PTPRD: variants seen among roughly 807,000 people sequenced by gnomAD.
PTPRD encodes receptor-type tyrosine-protein phosphatase delta.
PTPRD carries 34 observed loss-of-function variants against 214.5 expected under a neutral mutation model. The ratio of observed to expected loss-of-function variants is 0.16; its 90% CI spans 0.12 to 0.21. The LOEUF (loss-of-function observed/expected upper bound fraction) is 0.21, where lower values mean the gene tolerates loss of function less well. Ranked by LOEUF, PTPRD falls within the 10% of genes least tolerant of loss-of-function variation. The pLI is 1.00. For synonymous variants in PTPRD, 1,128 were observed against 845.7 expected (o/e 1.33, Z -5.79); for missense variants, 2,545 against 2,398.7 (o/e 1.06, Z -1.27).
intron 9 of PTPRD, among the ~76,000 whole-genome samples, chr9:9,323,699 A>G (rs1967967746): frequency 6.6e-6 from 1 of 151,928 alleles, no homozygotes; most frequent in Admixed American, 6.6e-5. Context: ...TCTCTTGTTT[A>G]TTTTTATTAT....
rs147314291 is a variant in PTPRD at position 10,334,563 on chromosome 9, A to C, written c.-545+6400T>G. On this transcript the variant is annotated intron_variant, in intron 3 of 45. Coordinates refer to ENST00000381196, the MANE Select transcript of PTPRD (RefSeq NM_002839.4). ...TCAAACAATATACTGGAAATCATAG[A>C]TAATATTACGAGAAAAGGAAATCAA... 9.9e-5 allele frequency among the ~76,000 whole-genome samples: 15 copies of C among 151,760 alleles called. No individual in the cohort carries two copies. In the East Asian group the frequency reaches 2.9e-3, roughly 30 times the overall value.
At position 10,231,074 on chromosome 9, in the gene PTPRD, C is replaced by T. The variant is rs546421491; in HGVS notation, c.-545+109889G>A. Among the ~76,000 whole-genome samples, 336 of 151,980 alleles carry T rather than the reference C, an allele frequency of 2.2e-3. 2 individuals are homozygous for T. Among genetic ancestry groups the T allele is most frequent in the African/African-American group, 7.9e-3 (328 of 41,498 alleles). ...TCAAAAGGAAGACACAGAAGCTTGC[C>T]TGAAATGGAAAAGCTTCAAAAGCCA... On this transcript the variant is annotated intron_variant, in intron 3 of 45. Coordinates refer to ENST00000381196, the MANE Select transcript of PTPRD (RefSeq NM_002839.4).
chr9:9,627,634 A>G (rs900867948), intron 7 of PTPRD, among the ~76,000 whole-genome samples: 2 of 152,226 alleles, frequency 1.3e-5, no homozygotes, highest in Non-Finnish European at 2.9e-5. Context: ...ATTGTTGAAT[A>G]GCTGAATTCT....
chr9:9,876,716 C>G (rs1600597072), intron 5 of PTPRD, among the ~76,000 whole-genome samples: 1 of 152,224 alleles, frequency 6.6e-6, no homozygotes, highest in Non-Finnish European at 1.5e-5. Context: ...TTGCTTTATA[C>G]AAATTCTATG....
intron 5 of PTPRD, among the ~76,000 whole-genome samples, chr9:9,841,848 A>G (rs1461244464): frequency 6.6e-6 from 1 of 152,146 alleles, no homozygotes; most frequent in Non-Finnish European, 1.5e-5. Flanking sequence ...AAATATTTAC[A>G]CTGCATTTGT....
At chr9:8,500,665 G>C in intron 24 of PTPRD, 89 bp downstream of exon 24, 1 of 1,241,564 alleles carries the variant, frequency 8.1e-7, no homozygotes, top group East Asian at 3.0e-5. Context: ...AAGATGAGCA[G>C]AGAAAAAAGA....
chr9:9,975,055 TCACAATCA>T (rs1467309237), intron 4 of PTPRD, among the ~76,000 whole-genome samples: 1 of 104,868 alleles, frequency 9.5e-6, no homozygotes, highest in African/African-American at 5.4e-5. Context: ...GAAGGTCGTA[TCACAATCA>T]ACTGAGGATT....
At chr9:9,810,769 T>G (rs981247842) in intron 5 of PTPRD, among the ~76,000 whole-genome samples, 1 of 151,916 alleles carries the variant, frequency 6.6e-6, no homozygotes, top group Non-Finnish European at 1.5e-5. Context: ...TAATTTTGAC[T>G]CTCAGGTCTT....
intron 2 of PTPRD, among the ~76,000 whole-genome samples, chr9:10,581,016 C>T (rs925987353): frequency 6.6e-6 from 1 of 152,130 alleles, no homozygotes; most frequent in Non-Finnish European, 1.5e-5. Flanking sequence ...AACCTGGGAT[C>T]CTGGCTGCAT....
rs940371558 is a variant in PTPRD at position 9,117,748 on chromosome 9, A to T, written c.-143+65556T>A. On this transcript the variant is annotated intron_variant, in intron 10 of 45. Transcript: ENST00000381196. ...ATGTTAATATGCCAAGAAAAAAAAT[A>T]TTTCAGAAGATAAAACCAACTGTAA... Among the ~76,000 whole-genome samples the T allele has an allele frequency of 4.6e-4, 70 of 152,106 alleles. 1 individual carries two copies. Among genetic ancestry groups the T allele is most frequent in the Admixed American group, 3.1e-3 (47 of 15,266 alleles).
At chr9:9,650,121 T>C (rs1198914499) in intron 7 of PTPRD, among the ~76,000 whole-genome samples, 1 of 152,140 alleles carries the variant, frequency 6.6e-6, no homozygotes, top group Non-Finnish European at 1.5e-5. Context: ...CATGCTGTTC[T>C]CACAACAATG....
At chr9:10,604,069 C>A (rs1247797229) in intron 2 of PTPRD, among the ~76,000 whole-genome samples, 2 of 151,626 alleles carry the variant, frequency 1.3e-5, no homozygotes, top group Non-Finnish European at 2.9e-5. Flanking sequence ...AGTTAAAAAA[C>A]ATAGGCAGAA....
At chr9:10,117,998 G>GA (rs2098744701) in intron 3 of PTPRD, among the ~76,000 whole-genome samples, 2 of 151,912 alleles carry the variant, frequency 1.3e-5, no homozygotes, top group Admixed American at 6.6e-5. Context: ...TTCCCCCCTG[G>GA]AAAAAATGTG....
At chr9:10,519,451 C>G (rs763815872) in intron 2 of PTPRD, among the ~76,000 whole-genome samples, 35 of 151,966 alleles carry the variant, frequency 2.3e-4, no homozygotes, top group Admixed American at 7.9e-4. Flanking sequence ...TAACAATTAA[C>G]CAATATATGC....
At chr9:9,411,360 A>T (rs1455950132) in intron 8 of PTPRD, among the ~76,000 whole-genome samples, 1 of 151,922 alleles carries the variant, frequency 6.6e-6, no homozygotes, top group African/African-American at 2.4e-5. Flanking sequence ...TATAAAATAA[A>T]TCCTAAGCTA....
intron 12 of PTPRD, among the ~76,000 whole-genome samples, chr9:8,653,040 G>A (rs2154346388): frequency 6.6e-6 from 1 of 152,210 alleles, no homozygotes; most frequent in South Asian, 2.1e-4. Flanking sequence ...GTGCTTTAAA[G>A]CTCTCTGTAG....
intron 5 of PTPRD, among the ~76,000 whole-genome samples, chr9:9,869,059 C>T (rs1452061654): frequency 6.6e-6 from 1 of 152,076 alleles, no homozygotes; most frequent in Admixed American, 6.6e-5. Flanking sequence ...CATGCAGCAA[C>T]CAATACATCA....
intron 10 of PTPRD, among the ~76,000 whole-genome samples, chr9:9,104,838 G>C (rs751375838): frequency 1.3e-5 from 2 of 152,148 alleles, no homozygotes; most frequent in African/African-American, 4.8e-5. Flanking sequence ...AGTTCGACGT[G>C]ATTCCTGAAC....
chr9:9,201,980 G>A (rs1015936650), intron 9 of PTPRD, among the ~76,000 whole-genome samples: 3 of 152,172 alleles, frequency 2.0e-5, no homozygotes, highest in Admixed American at 6.5e-5. Context: ...AGAGAGTGTT[G>A]AATACACTAA....
Sources: gnomAD v4.1 joint callset for allele counts (sites outside exome capture counted in the v4.1 genomes callset) on GRCh38, gnomAD v4.1.1 for gene constraint, MANE v1.5 for transcripts, NCBI Gene and HGNC (gene_info 2026-07-23, HGNC 2026-07-21) for gene names.